WDHD1: variants seen among roughly 807,000 people sequenced by gnomAD.
WDHD1 encodes WD repeat and HMG-box DNA-binding protein 1.
WDHD1 carries 111 observed loss-of-function variants against 135.4 expected under a neutral mutation model. The ratio of observed to expected loss-of-function variants is 0.82; its 90% CI spans 0.70 to 0.96. WDHD1 has a LOEUF of 0.96. Ranked by LOEUF, WDHD1 falls within the 40% of genes least tolerant of loss-of-function variation. The probability of loss-of-function intolerance (pLI) is 0.00; values close to 1 mark genes in which losing one functional copy is unlikely to be tolerated. For synonymous variants in WDHD1, 434 were observed against 439.0 expected (o/e 0.99, Z 0.14); for missense variants, 1,351 against 1,336.3 (o/e 1.01, Z -0.17).
At chr14:55,013,682 G>A (rs2042212875) in intron 2 of WDHD1, 86 bp from the exon 3 acceptor site, 5 of 998,482 alleles carry the variant, frequency 5.0e-6, no homozygotes, top group Non-Finnish European at 7.9e-6. Flanking sequence ...AAGGTGGGAG[G>A]ATTGCTTGAG....
intron 21 of WDHD1, 135 bp from the exon 22 acceptor site, chr14:54,957,770 C>T (rs1368733381): frequency 3.0e-6 from 2 of 667,770 alleles, no homozygotes; most frequent in African/African-American, 3.7e-5. Flanking sequence ...AAACTATTAA[C>T]AACAGATATC....
chr14:54,987,296 G>C lies in WDHD1; in HGVS notation c.1618C>G (p.Leu540Val), dbSNP rs760057118. 3.7e-6 allele frequency: 6 copies of C among 1,614,058 alleles called. No individual in the cohort carries two copies. The Admixed American group carries it at 1.0e-4, about 27-fold the overall frequency. Residue 540 changes from leucine (L) to valine (V), a missense_variant, in exon 14 of 26, where the codon CTC (leucine) becomes GTC (valine). Transcript: ENST00000360586. Reference sequence around the variant, plus strand: ...GCGGCAGCAGCCCATCCTTGACCGAGACATATGGCTTCAATATCCTCATTC... The same window carrying C: ...GCGGCAGCAGCCCATCCTTGACCGACACATATGGCTTCAATATCCTCATTC... ...PQNEDIEAIC[L>V]GQGWAAAATS...
At chr14:54,990,277 T>C (rs1314194234) in intron 12 of WDHD1, among the ~76,000 whole-genome samples, 1 of 152,082 alleles carries the variant, frequency 6.6e-6, no homozygotes, top group African/African-American at 2.4e-5. Context: ...GAAAACATCA[T>C]ATAACCAACA....
intron 10 of WDHD1, among the ~76,000 whole-genome samples, chr14:54,997,055 G>A (rs539617592): frequency 5.5e-5 from 8 of 144,244 alleles, no homozygotes; most frequent in African/African-American, 2.0e-4. Flanking sequence ...CTCCCAAAGT[G>A]CTGGGATTAC....
At chr14:55,009,433 AT>A (rs769487727) in intron 4 of WDHD1, among the ~76,000 whole-genome samples, 1,664 of 143,908 alleles carry the variant, frequency 0.012, 13 homozygotes, top group Admixed American at 0.034. Flanking sequence ...AAGTAAAATA[AT>A]TTTTTTTTTT....
At chr14:55,001,257 G>A (rs1319232919) in intron 8 of WDHD1, among the ~76,000 whole-genome samples, 2 of 151,810 alleles carry the variant, frequency 1.3e-5, no homozygotes, top group Non-Finnish European at 2.9e-5. Context: ...AATTATACTG[G>A]CACCATTTTA....
intron 3 of WDHD1, 54 bp from the exon 4 acceptor site, chr14:55,010,514 G>T (rs2042151762): frequency 7.9e-6 from 11 of 1,395,704 alleles, no homozygotes; most frequent in Non-Finnish European, 1.0e-5. Context: ...AAATGACTGG[G>T]AGTCTCTCCA....
At chr14:54,945,758 C>A (rs898645643) in intron 24 of WDHD1, among the ~76,000 whole-genome samples, 1 of 152,106 alleles carries the variant, frequency 6.6e-6, no homozygotes, top group African/African-American at 2.4e-5. Flanking sequence ...CCAGGTGGGT[C>A]TCGAACTCCT....
chr14:54,978,599 C>T (rs1776136980), intron 16 of WDHD1, among the ~76,000 whole-genome samples: 1 of 151,684 alleles, frequency 6.6e-6, no homozygotes, highest in Non-Finnish European at 1.5e-5. Flanking sequence ...AAAAAAAAAC[C>T]GTTAATGAAT....
Position 54,984,773 on chromosome 14 carries a change from A to G in WDHD1, c.1856T>C (p.Leu619Pro). Residue 619 changes from leucine to proline, a missense_variant, in exon 15 of 26, where the codon CTT becomes CCT. Leu to Pro is a moderately conservative substitution (Grantham distance 98). Transcript: ENST00000360586. ...AAGGTAGGATTTCCTTGTAAGAGGA[A>G]GAGGGTCACCATGCAAAATTTGTTT... ...KKKQILHGDPLPLTRKSYLAW... is the reference protein window; with the variant it reads ...KKKQILHGDPPPLTRKSYLAW... The G allele has an allele frequency of 6.2e-7, 1 of 1,614,004 alleles. No individual in the cohort carries two copies. The highest frequency in any genetic ancestry group is 8.5e-7 in the Non-Finnish European group (1 of 1,179,944).
rs1312579778 is a variant in WDHD1 at position 54,967,283 on chromosome 14, C to T, written c.2175G>A (p.Met725Ile). 5 of 1,608,202 alleles carry T rather than the reference C, an allele frequency of 3.1e-6. No homozygotes were observed. The highest frequency in any genetic ancestry group is 1.7e-4 in the Middle Eastern group (1 of 6,040). Residue 725 changes from methionine to isoleucine, a missense_variant, in exon 17 of 26, where the codon ATG becomes ATA. Transcript: ENST00000360586. ...YCQIATEKGQ[M>I]EEQFWRSVIF... ...TCAAGGTAAGACTTCCACATACCTCCATTTGTCCTTTCTCTGTTGCAATCT... is the reference window on the plus strand; with the variant it reads ...TCAAGGTAAGACTTCCACATACCTCTATTTGTCCTTTCTCTGTTGCAATCT...
Position 55,000,529 on chromosome 14 carries a change from G to A in WDHD1, c.916C>T (p.Pro306Ser). The change falls in exon 10 of 26, where the codon CCC (proline) becomes TCC (serine). Residue 306 changes from proline to serine, a missense_variant. Physicochemically the swap from Pro to Ser is moderately conservative, Grantham distance 74 (BLOSUM62 -1). Around this residue, in one of 2 missense-constraint regions of WDHD1, gnomAD observed 1,330 missense variants for 1,296.1 expected, o/e 1.03. Transcript: ENST00000360586. ...NLGLLENVCDPSGKTSSSKVS... is the reference protein window; with the variant it reads ...NLGLLENVCDSSGKTSSSKVS... ...TTACTGCTTGATGTCTTTCCACTGG[G>A]GTCACAAACATTCTCTAGAAGCCCT... The A allele has an allele frequency of 1.2e-6, 2 of 1,603,068 alleles. No homozygotes were observed. The highest frequency in any genetic ancestry group is 1.7e-6 in the Non-Finnish European group (2 of 1,174,386).
intron 16 of WDHD1, among the ~76,000 whole-genome samples, chr14:54,969,101 C>T (rs1425280071): frequency 6.6e-6 from 1 of 151,968 alleles, no homozygotes; most frequent in Non-Finnish European, 1.5e-5. Context: ...TGCAGTGGCA[C>T]GATCTCGGCT....
At chr14:54,980,210 G>T (rs768166924) in intron 16 of WDHD1, among the ~76,000 whole-genome samples, 4 of 151,918 alleles carry the variant, frequency 2.6e-5, no homozygotes, top group Non-Finnish European at 5.9e-5. Flanking sequence ...CAGCTACTTG[G>T]AAGGCTAAGG....
chr14:54,980,319 GTC>G (rs1566723897), intron 16 of WDHD1, among the ~76,000 whole-genome samples: 1 of 146,182 alleles, frequency 6.8e-6, no homozygotes, highest in African/African-American at 2.5e-5. Flanking sequence ...GTGAGACTCT[GTC>G]TCAAAAAAAA....
At chr14:54,946,166 C>G (rs1329936567) in intron 24 of WDHD1, among the ~76,000 whole-genome samples, 1 of 152,214 alleles carries the variant, frequency 6.6e-6, no homozygotes, top group Non-Finnish European at 1.5e-5. Context: ...GGCCTGCAAT[C>G]ATCTACTTCT....
At chr14:54,942,248 C>CAAAA (rs2040851462) in intron 25 of WDHD1, among the ~76,000 whole-genome samples, 1 of 129,684 alleles carries the variant, frequency 7.7e-6, no homozygotes, top group African/African-American at 3.3e-5. Context: ...GACTCCGTCT[C>CAAAA]AAAAAATAAA....
intron 24 of WDHD1, among the ~76,000 whole-genome samples, chr14:54,952,569 A>G (rs2041077619): frequency 6.6e-6 from 1 of 152,262 alleles, no homozygotes; most frequent in African/African-American, 2.4e-5. Context: ...CATCCTGTCC[A>G]AGGCAATTTA....
chr14:54,999,205 C>A (rs1376297711), intron 10 of WDHD1, among the ~76,000 whole-genome samples: 1 of 152,208 alleles, frequency 6.6e-6, no homozygotes, highest in Admixed American at 6.5e-5. Context: ...TCTAATCTTT[C>A]ATTTAATCCT....
Sources: gnomAD v4.1 joint callset for allele counts (sites outside exome capture counted in the v4.1 genomes callset) on GRCh38, gnomAD v4.1.1 for gene constraint, gnomAD v4.1.1 regional missense constraint, MANE v1.5 for transcripts, NCBI Gene and HGNC (gene_info 2026-07-23, HGNC 2026-07-21) for gene names.